Variants in TRIM33 observed in about 807,000 individuals in gnomAD.
The protein encoded by TRIM33 is E3 ubiquitin-protein ligase TRIM33.
A neutral mutation model predicts 125.4 loss-of-function variants in TRIM33; 20 were observed. The ratio of observed to expected loss-of-function variants is 0.16; its 90% CI spans 0.11 to 0.23. The LOEUF is 0.23. Among genes scored for constraint, TRIM33 ranks in the 10% least tolerant of loss-of-function variants. The probability of loss-of-function intolerance (pLI) is 1.00; values close to 1 mark genes in which losing one functional copy is unlikely to be tolerated. For synonymous variants in TRIM33, 564 were observed against 513.9 expected, an observed-to-expected ratio of 1.10 and a Z score of -1.32; for missense variants, 920 against 1,411.4, an observed-to-expected ratio of 0.65 and a Z score of 5.58.
rs1345960189 is a variant in TRIM33, at chr1:114,405,543, T to C, written c.2635A>G (p.Asn879Asp). The C allele has an allele frequency of 6.2e-7, 1 of 1,614,228 alleles. No individual in the cohort carries two copies. Among genetic ancestry groups the C allele is most frequent in the South Asian group, 1.1e-5 (1 of 91,088 alleles). The change falls in exon 15 of 20, where the codon AAC (asparagine) becomes GAC (aspartate). Residue 879 changes from asparagine to aspartate, a missense_variant. By Grantham distance (23) the Asn-to-Asp change is conservative (BLOSUM62 1). Coordinates refer to ENST00000358465, the MANE Select transcript of TRIM33 (RefSeq NM_015906.4). ...TCATTTGGGTCATCATCTTTATTGT[T>C]GCCATCTCCTCCAATCCTTGCCGAC... ...HRSARIGGDGNNKDDDPNEDW... is the reference protein window; with the variant it reads ...HRSARIGGDGDNKDDDPNEDW...
intron 4 of TRIM33, among the ~76,000 whole-genome samples, chr1:114,437,930 A>G (rs1468562488): frequency 6.6e-6 from 1 of 152,192 alleles, no homozygotes; most frequent in Non-Finnish European, 1.5e-5. Flanking sequence ...TAGGAGATAA[A>G]TAATAAAAGG....
chr1:114,487,138 T>C (rs1183161097), intron 1 of TRIM33, among the ~76,000 whole-genome samples: 5 of 149,712 alleles, frequency 3.3e-5, no homozygotes, highest in African/African-American at 9.8e-5. Flanking sequence ...ATGTCCCAAA[T>C]TTGACAAAAT....
At position 114,393,796 on chromosome 1, in the gene TRIM33, C is replaced by T. The variant is rs535281932; in HGVS notation, c.*3852G>A. 1.9e-4 allele frequency: 39 copies of T among 206,890 alleles called. 2 individuals are homozygous for T. Among genetic ancestry groups the T allele is most frequent in the African/African-American group, 8.9e-4 (39 of 43,928 alleles). The allele number at this position is 206,890 out of a possible 1,614,324, so 12.8% of individuals were successfully genotyped here. A position where few individuals can be genotyped will look rare whatever the true frequency, so the allele number is the denominator to read the frequency against. ...CACTTACTTTTAAAAAAATATGCAA[C>T]TTTCCCCAATTTTTAAAATAAAATG... On this transcript the variant is annotated 3_prime_UTR_variant, in exon 20 of 20. Coordinates refer to ENST00000358465, the MANE Select transcript of TRIM33 (RefSeq NM_015906.4).
At chr1:114,399,697 A>G (rs1032023704) in intron 17 of TRIM33, 88 bp from the exon 18 acceptor site, 3 of 1,173,334 alleles carry the variant, frequency 2.6e-6, no homozygotes, top group African/African-American at 3.1e-5. Context: ...AATTTTAGGG[A>G]AAAAAATTAT....
At chr1:114,447,407 A>C (rs1159708407) in intron 4 of TRIM33, among the ~76,000 whole-genome samples, 1 of 152,150 alleles carries the variant, frequency 6.6e-6, no homozygotes, top group African/African-American at 2.4e-5. Context: ...AAAAAAATGC[A>C]ACTGCCAAAC....
At chr1:114,486,482 G>A (rs1292125864) in intron 1 of TRIM33, among the ~76,000 whole-genome samples, 1 of 147,834 alleles carries the variant, frequency 6.8e-6, no homozygotes, top group African/African-American at 2.5e-5. Context: ...AAAATTAGCC[G>A]GTGTCGTGGC....
chr1:114,493,698 G>A (rs1269606787), intron 1 of TRIM33, among the ~76,000 whole-genome samples: 1 of 152,194 alleles, frequency 6.6e-6, no homozygotes, highest in Admixed American at 6.5e-5. Context: ...TTTGAGACAC[G>A]GTCTTGCTCT....
At position 114,407,075 on chromosome 1, in the gene TRIM33, C is replaced by T. The variant is rs1404316367; in HGVS notation, c.2284G>A (p.Glu762Lys). Residue 762 changes from glutamate (E) to lysine (K), a missense_variant, in exon 14 of 20, where the codon GAG becomes AAG. Physicochemically the swap from Glu to Lys is moderately conservative, Grantham distance 56 (BLOSUM62 1). This residue lies in a region of TRIM33 where 407 missense variants were observed against 589.7 expected (regional missense o/e 0.69). Transcript: ENST00000358465. ...GATTTGAAACTAAGACTTGTCTTCT[C>T]AGCAGTTCTTCCTGATGACCCACAG... ...GSCGSSGRTA[E>K]KTSLSFKSDQ... 1 of 1,613,616 alleles carries T rather than the reference C, an allele frequency of 6.2e-7. No individual in the cohort carries two copies. Among genetic ancestry groups the T allele is most frequent in the Admixed American group, 1.7e-5 (1 of 59,982 alleles).
chr1:114,493,380 T>C (rs1652185006), intron 1 of TRIM33, among the ~76,000 whole-genome samples: 1 of 152,200 alleles, frequency 6.6e-6, no homozygotes, highest in African/African-American at 2.4e-5. Context: ...TACAAAAGTT[T>C]TACATTTTGA....
chr1:114,465,885 A>T (rs1171338282), intron 1 of TRIM33, among the ~76,000 whole-genome samples: 2 of 151,654 alleles, frequency 1.3e-5, no homozygotes, highest in South Asian at 2.1e-4. Flanking sequence ...ACTAAAAATT[A>T]AAAAAAAGTC....
chr1:114,467,541 T>C (rs780726890), intron 1 of TRIM33, among the ~76,000 whole-genome samples: 1 of 152,102 alleles, frequency 6.6e-6, no homozygotes, highest in South Asian at 2.1e-4. Context: ...TATTTACAAG[T>C]CAAGCAGAAG....
At chr1:114,475,027 T>C (rs1229626498) in intron 1 of TRIM33, among the ~76,000 whole-genome samples, 1 of 152,080 alleles carries the variant, frequency 6.6e-6, no homozygotes, top group Admixed American at 6.6e-5. Flanking sequence ...GATATAGTTA[T>C]ATGCATATGT....
intron 11 of TRIM33, among the ~76,000 whole-genome samples, chr1:114,413,376 T>C (rs1013933435): frequency 6.6e-6 from 1 of 151,614 alleles, no homozygotes; most frequent in African/African-American, 2.4e-5. Context: ...CTGACCAACA[T>C]GAAGAAACCC....
chr1:114,463,619 A>C (rs1650120360), intron 2 of TRIM33, 63 bp from the exon 3 acceptor site: 2 of 1,083,438 alleles, frequency 1.8e-6, no homozygotes, highest in South Asian at 2.9e-5. Context: ...AAAAAAAAAA[A>C]AAAACTTGTT....
chr1:114,405,964 T>C lies in TRIM33; in HGVS notation c.2419-205A>G, dbSNP rs903883119. ...CATATGATTTTAAGGGGTCTGCTCC[T>C]CTGATAATGTCTCACTCAAATAATA... is the stretch of plus-strand genomic sequence containing the variant. On this transcript the variant is annotated intron_variant, in intron 14 of 19. Coordinates refer to ENST00000358465, the MANE Select transcript of TRIM33 (RefSeq NM_015906.4). 3.9e-4 allele frequency among the ~76,000 whole-genome samples: 59 copies of C among 152,354 alleles called. 1 individual carries two copies. Among genetic ancestry groups the C allele is most frequent in the Middle Eastern group, 6.8e-3 (2 of 294 alleles).
At chr1:114,476,827 T>C (rs1053294033) in intron 1 of TRIM33, among the ~76,000 whole-genome samples, 29 of 152,276 alleles carry the variant, frequency 1.9e-4, no homozygotes, top group Middle Eastern at 6.8e-3. Flanking sequence ...ATACAAAGAT[T>C]AGAAGACGTT....
intron 4 of TRIM33, among the ~76,000 whole-genome samples, chr1:114,453,026 G>A (rs985923100): frequency 6.6e-6 from 1 of 152,126 alleles, no homozygotes; most frequent in African/African-American, 2.4e-5. Flanking sequence ...AAGAGGGGGT[G>A]TTGGTAGGGA....
chr1:114,408,882 T>G (rs1165174722), intron 12 of TRIM33, 142 bp from the exon 13 acceptor site: 1 of 588,264 alleles, frequency 1.7e-6, no homozygotes, highest in East Asian at 3.1e-5. Context: ...CAGGGACGCA[T>G]GTGTAACCAT....
chr1:114,510,976 G>A lies in TRIM33; in HGVS notation c.101C>T (p.Ala34Val). 5 of 1,356,886 alleles carry A rather than the reference G, an allele frequency of 3.7e-6. No individual in the cohort carries two copies. Among genetic ancestry groups the A allele is most frequent in the South Asian group, 1.8e-5 (1 of 56,698 alleles). The allele number at this position is 1,356,886 out of a possible 1,614,324, so 84.1% of individuals were successfully genotyped here. ...CAGCACCGCGGTGAGAGGCGGCTCC[G>A]CCTCCTGCGCGGCGGGCCCGGCGGC... ...AGAAGPAAQE[A>V]EPPLTAVLVE... is the part of the protein sequence containing the mutation. Residue 34 changes from alanine to valine, a missense_variant, in exon 1 of 20, where the codon GCG becomes GTG. Around this residue, in one of 8 missense-constraint regions of TRIM33, gnomAD observed 233 missense variants for 189.6 expected, o/e 1.23. Transcript: ENST00000358465.
Sources: allele counts gnomAD v4.1 joint callset (sites outside exome capture counted in the v4.1 genomes callset), GRCh38; gene constraint gnomAD v4.1.1; regional missense constraint gnomAD v4.1.1; transcripts MANE v1.5; gene names NCBI Gene and HGNC (gene_info 2026-07-23, HGNC 2026-07-21).